The following CEP112 variants were observed in gnomAD, a reference collection of about 807,000 sequenced individuals.
The protein encoded by CEP112 is centrosomal protein of 112 kDa.
CEP112 carries 127 observed loss-of-function variants against 153.0 expected under a neutral mutation model. That is an observed-to-expected ratio of 0.83 (90% CI 0.72 to 0.96). The LOEUF is 0.96. Ranked by LOEUF, CEP112 falls within the 40% of genes least tolerant of loss-of-function variation. The probability of loss-of-function intolerance (pLI) is 0.00; values close to 1 mark genes in which losing one functional copy is unlikely to be tolerated. For synonymous variants in CEP112, 358 were observed against 374.4 expected, an observed-to-expected ratio of 0.96 and a Z score of 0.51; for missense variants, 1,089 against 1,101.2, an observed-to-expected ratio of 0.99 and a Z score of 0.16.
chr17:65,791,311 T>C (rs1485011576), intron 21 of CEP112, among the ~76,000 whole-genome samples: 1 of 152,198 alleles, frequency 6.6e-6, no homozygotes, highest in African/African-American at 2.4e-5. Context: ...GGAAAGATGA[T>C]GCCAGAGTAA....
intron 24 of CEP112, among the ~76,000 whole-genome samples, chr17:65,664,506 G>C (rs568296114): frequency 2.2e-4 from 34 of 152,334 alleles, no homozygotes; most frequent in African/African-American, 8.2e-4. Context: ...ATGTGACGCA[G>C]CTAGGAAGAG....
At chr17:65,836,526 G>A (rs530003006) in intron 21 of CEP112, among the ~76,000 whole-genome samples, 3 of 152,194 alleles carry the variant, frequency 2.0e-5, no homozygotes, top group African/African-American at 7.2e-5. Context: ...TTTAAGAACT[G>A]TAAAAAGAGA....
intron 24 of CEP112, among the ~76,000 whole-genome samples, chr17:65,673,751 A>G (rs557921642): frequency 6.6e-6 from 1 of 152,382 alleles, no homozygotes; most frequent in East Asian, 1.9e-4. Flanking sequence ...AAAAAGATAG[A>G]AGGTAATCTT....
intron 19 of CEP112, among the ~76,000 whole-genome samples, chr17:65,920,030 T>C (rs1409641645): frequency 6.6e-6 from 1 of 151,778 alleles, no homozygotes; most frequent in South Asian, 2.1e-4. Context: ...ATGAAAACAA[T>C]AAACAGTGTA....
intron 20 of CEP112, among the ~76,000 whole-genome samples, chr17:65,859,852 CAAA>C (rs573790538): frequency 1.1e-4 from 11 of 100,352 alleles, no homozygotes; most frequent in African/African-American, 1.5e-4. Context: ...ACTAAAAATA[CAAA>C]AAAAAAAAAA....
At chr17:66,024,568 T>C (rs1418833330) in intron 16 of CEP112, among the ~76,000 whole-genome samples, 1 of 122,072 alleles carries the variant, frequency 8.2e-6, no homozygotes, top group Non-Finnish European at 1.8e-5. Context: ...TTTACAATAG[T>C]TATAAAAAAA....
chr17:65,912,761 A>T (rs751622941), intron 19 of CEP112, among the ~76,000 whole-genome samples: 4 of 152,220 alleles, frequency 2.6e-5, no homozygotes, highest in Non-Finnish European at 4.4e-5. Flanking sequence ...CATCAAATTA[A>T]TAGTTCAAGG....
chr17:65,799,574 A>T lies in CEP112; in HGVS notation c.2395-48850T>A, dbSNP rs192913125. Among the ~76,000 whole-genome samples, 8 of 152,342 alleles carry T rather than the reference A, an allele frequency of 5.3e-5. No homozygotes were observed. The East Asian group carries it at 5.8e-4, about 11-fold the overall frequency. On this transcript the variant is annotated intron_variant, in intron 21 of 26. Transcript: ENST00000535342. Reference sequence around the variant, plus strand: ...CCTCTGGCACTGTGGAGAATGATCCAGAAGAGCAGAGGAGACAACTGTGGC... The same window carrying T: ...CCTCTGGCACTGTGGAGAATGATCCTGAAGAGCAGAGGAGACAACTGTGGC...
At chr17:65,649,681 T>G (rs1015787798) in intron 24 of CEP112, among the ~76,000 whole-genome samples, 1 of 140,206 alleles carries the variant, frequency 7.1e-6, no homozygotes, top group Admixed American at 7.8e-5. Flanking sequence ...TTTGTGCCAC[T>G]GCACCCAGCC....
At chr17:65,750,543 C>T in intron 22 of CEP112, 119 bp downstream of exon 22, 2 of 736,562 alleles carry the variant, frequency 2.7e-6, no homozygotes, top group Non-Finnish European at 4.7e-6. Context: ...AATATGATAC[C>T]ATTCCACAAA....
At chr17:65,847,125 T>C (rs1220855554) in intron 21 of CEP112, among the ~76,000 whole-genome samples, 1 of 152,184 alleles carries the variant, frequency 6.6e-6, no homozygotes, top group African/African-American at 2.4e-5. Context: ...CCAGCCTATG[T>C]AAAAGAGAGT....
intron 8 of CEP112, among the ~76,000 whole-genome samples, chr17:66,089,165 GAA>G (rs2068048215): frequency 6.6e-6 from 1 of 152,130 alleles, no homozygotes; most frequent in African/African-American, 2.4e-5. Flanking sequence ...AGCCTGCCCA[GAA>G]TCTCTGGATA....
At chr17:65,799,652 C>T (rs929482445) in intron 21 of CEP112, among the ~76,000 whole-genome samples, 4 of 152,220 alleles carry the variant, frequency 2.6e-5, no homozygotes, top group African/African-American at 7.2e-5. Context: ...AACTACAGTT[C>T]TGAGGAGGCA....
At chr17:65,790,706 C>T (rs574675098) in intron 21 of CEP112, among the ~76,000 whole-genome samples, 6 of 152,308 alleles carry the variant, frequency 3.9e-5, no homozygotes, top group African/African-American at 1.4e-4. Flanking sequence ...CACAGTGATG[C>T]TCTAACATAG....
intron 4 of CEP112, among the ~76,000 whole-genome samples, chr17:66,157,033 C>A (rs1390362678): frequency 6.6e-6 from 1 of 152,124 alleles, no homozygotes; most frequent in Non-Finnish European, 1.5e-5. Flanking sequence ...GAGAGCACTA[C>A]AAAGACACTC....
At chr17:66,144,792 G>T (rs1486407605) in intron 4 of CEP112, among the ~76,000 whole-genome samples, 1 of 152,172 alleles carries the variant, frequency 6.6e-6, no homozygotes, top group Non-Finnish European at 1.5e-5. Flanking sequence ...TGGACATTTA[G>T]ATTGTTTACC....
chr17:65,916,824 G>T (rs1407555356), intron 19 of CEP112, among the ~76,000 whole-genome samples: 1 of 151,898 alleles, frequency 6.6e-6, no homozygotes, highest in African/African-American at 2.4e-5. Flanking sequence ...TGGAAATACA[G>T]GCATAAGCCA....
At chr17:66,112,455 AAT>A (rs2146386344) in intron 6 of CEP112, among the ~76,000 whole-genome samples, 1 of 152,346 alleles carries the variant, frequency 6.6e-6, no homozygotes, top group Non-Finnish European at 1.5e-5. Flanking sequence ...AATATAAAGT[AAT>A]ATCACAATGC....
At chr17:65,949,776 C>A in intron 18 of CEP112, among the ~76,000 whole-genome samples, 1 of 152,260 alleles carries the variant, frequency 6.6e-6, no homozygotes, top group East Asian at 1.9e-4. Context: ...CAAATAGGAT[C>A]TTTCATTCCT....
Sources: allele counts gnomAD v4.1 joint callset (sites outside exome capture counted in the v4.1 genomes callset), GRCh38; gene constraint gnomAD v4.1.1; transcripts MANE v1.5; gene names NCBI Gene and HGNC (gene_info 2026-07-23, HGNC 2026-07-21).